TRABD2B: variants seen among roughly 807,000 people sequenced by gnomAD.
The protein encoded by TRABD2B is metalloprotease TIKI2.
TRABD2B carries 14 observed loss-of-function variants against 40.1 expected under a neutral mutation model. The observed-to-expected ratio is 0.35, with a 90% CI of 0.23 to 0.55. TRABD2B has a LOEUF of 0.55. Ranked by LOEUF, TRABD2B falls within the 20% of genes least tolerant of loss-of-function variation. TRABD2B has a pLI of 0.90. For synonymous variants in TRABD2B, 263 were observed against 277.0 expected (o/e 0.95, Z 0.50); for missense variants, 541 against 648.6 (o/e 0.83, Z 1.80).
At chr1:47,902,711 C>T (rs1332869583) in intron 2 of TRABD2B, among the ~76,000 whole-genome samples, 2 of 152,164 alleles carry the variant, frequency 1.3e-5, no homozygotes, top group African/African-American at 4.8e-5. Context: ...TGGTCTTGAA[C>T]TCCTGGCCTC....
intron 2 of TRABD2B, among the ~76,000 whole-genome samples, chr1:47,986,061 T>C (rs1428570347): frequency 6.6e-6 from 1 of 152,144 alleles, no homozygotes; most frequent in Non-Finnish European, 1.5e-5. Flanking sequence ...ATAAAAAGCA[T>C]TTTAACATGA....
chr1:47,832,507 T>C (rs1270162148), intron 2 of TRABD2B, among the ~76,000 whole-genome samples: 4 of 152,188 alleles, frequency 2.6e-5, no homozygotes, highest in African/African-American at 9.6e-5. Context: ...AGCAAATATT[T>C]GTTAGTGGAT....
chr1:47,861,372 C>T (rs886096297), intron 2 of TRABD2B, among the ~76,000 whole-genome samples: 3 of 152,020 alleles, frequency 2.0e-5, no homozygotes, highest in Non-Finnish European at 4.4e-5. Context: ...CAGCACCCCC[C>T]ACCCTGCAAC....
intron 2 of TRABD2B, among the ~76,000 whole-genome samples, chr1:47,835,915 T>A (rs1645312259): frequency 6.6e-6 from 1 of 152,190 alleles, no homozygotes; most frequent in Admixed American, 6.5e-5. Flanking sequence ...GGTTCTTAGT[T>A]CATTTCTTCA....
At chr1:47,871,709 T>C (rs935771915) in intron 2 of TRABD2B, among the ~76,000 whole-genome samples, 1 of 152,214 alleles carries the variant, frequency 6.6e-6, no homozygotes, top group African/African-American at 2.4e-5. Flanking sequence ...TGGTTCCCAG[T>C]GAGCTGGTTA....
intron 3 of TRABD2B, among the ~76,000 whole-genome samples, chr1:47,795,846 C>A (rs575822449): frequency 6.6e-5 from 10 of 152,180 alleles, no homozygotes; most frequent in South Asian, 4.1e-4. Flanking sequence ...TGGCTTCCCC[C>A]AAGTTGGCTT....
In TRABD2B at chr1:47,801,514, C is replaced by T. The variant is rs1644822932; in HGVS notation, c.772G>A (p.Gly258Arg). ...TEDLIKHYNCGDLSAVIFNHD... is the reference protein window; with the variant it reads ...TEDLIKHYNCRDLSAVIFNHD... Reference sequence around the variant, plus strand: ...TTGAAGATGACTGCGCTGAGGTCTCCGCAGTTGTAGTGCTTGATGAGGTCC... The same window carrying T: ...TTGAAGATGACTGCGCTGAGGTCTCTGCAGTTGTAGTGCTTGATGAGGTCC... The change falls in exon 3 of 7, where the codon GGA (glycine) becomes AGA (arginine). Residue 258 changes from glycine to arginine, a missense_variant. This residue lies in a region of TRABD2B where 369 missense variants were observed against 492.8 expected (regional missense o/e 0.75). Coordinates refer to ENST00000606738, the MANE Select transcript of TRABD2B (RefSeq NM_001194986.2). The T allele has an allele frequency of 1.3e-6, 2 of 1,536,104 alleles. No individual in the cohort carries two copies. Among genetic ancestry groups the T allele is most frequent in the Non-Finnish European group, 1.7e-6 (2 of 1,146,890 alleles).
rs529735857 is a variant in TRABD2B at position 47,930,932 on chromosome 1, T to C, written c.666+63102A>G. 2.6e-5 allele frequency among the ~76,000 whole-genome samples: 4 copies of C among 152,272 alleles called. No homozygotes were observed. The South Asian group carries it at 8.3e-4, about 32-fold the overall frequency. ...GCTCCCAAAGACCACCCCTTCCTGA[T>C]GGGAGCAATGTAAAAACCGTGGCCA... On this transcript the variant is annotated intron_variant, in intron 2 of 6. Transcript: ENST00000606738.
chr1:47,932,521 G>A (rs1044938812), intron 2 of TRABD2B, among the ~76,000 whole-genome samples: 5 of 152,178 alleles, frequency 3.3e-5, no homozygotes, highest in Non-Finnish European at 4.4e-5. Context: ...TTCTAGATGG[G>A]AGATCCTATA....
rs1398811505 is a variant in TRABD2B, at chr1:47,761,983, C to T, written c.*3919G>A. 1.3e-5 allele frequency: 2 copies of T among 152,080 alleles called. No homozygotes were observed. The highest frequency in any genetic ancestry group is 1.3e-4 in the Admixed American group (2 of 15,252). The allele number at this position is 152,080 out of a possible 1,614,324, so 9.4% of individuals were successfully genotyped here. On this transcript the variant is annotated 3_prime_UTR_variant, in exon 7 of 7. Transcript: ENST00000606738. ...ACATGACCCCTGCCATTAAGCTGCTCACAGTCCGAGAGGAGCAGATACACA... is the reference window on the plus strand; with the variant it reads ...ACATGACCCCTGCCATTAAGCTGCTTACAGTCCGAGAGGAGCAGATACACA...
chr1:47,811,957 T>C (rs1472160695), intron 2 of TRABD2B, among the ~76,000 whole-genome samples: 2 of 152,208 alleles, frequency 1.3e-5, no homozygotes, highest in Non-Finnish European at 2.9e-5. Flanking sequence ...ATGTGGAGGC[T>C]CATTTATTTT....
chr1:47,966,542 T>C (rs1645605303), intron 2 of TRABD2B, among the ~76,000 whole-genome samples: 1 of 152,150 alleles, frequency 6.6e-6, no homozygotes, highest in Non-Finnish European at 1.5e-5. Context: ...CTGAGCCACA[T>C]GTATACAGTA....
chr1:47,889,831 G>A lies in TRABD2B; in HGVS notation c.667-88212C>T, dbSNP rs1418656512. On this transcript the variant is annotated intron_variant, in intron 2 of 6. Transcript: ENST00000606738. ...AACCTTTACCCTCTCTGAGTCTCTC[G>A]TTCTCCATGTTATAAACGAGGAAGA... is the stretch of plus-strand genomic sequence containing the variant. Among the ~76,000 whole-genome samples the A allele has an allele frequency of 5.3e-5, 8 of 152,302 alleles. No individual in the cohort carries two copies. In the South Asian group the frequency reaches 1.0e-3, roughly 20 times the overall value.
intron 2 of TRABD2B, among the ~76,000 whole-genome samples, chr1:47,861,785 C>A (rs1643976406): frequency 6.6e-6 from 1 of 152,170 alleles, no homozygotes; most frequent in African/African-American, 2.4e-5. Flanking sequence ...CTCAGCCAAC[C>A]TCAAACCAGA....
chr1:47,899,976 G>A (rs897607000), intron 2 of TRABD2B, among the ~76,000 whole-genome samples: 2 of 152,188 alleles, frequency 1.3e-5, no homozygotes, highest in Admixed American at 6.5e-5. Context: ...GGTATGCAAA[G>A]GCCCAGCCAG....
chr1:47,837,360 CA>C (rs1645333136), intron 2 of TRABD2B, among the ~76,000 whole-genome samples: 1 of 152,138 alleles, frequency 6.6e-6, no homozygotes, highest in South Asian at 2.1e-4. Flanking sequence ...ATTTGGGATC[CA>C]AGGGTGACCA....
At position 47,958,148 on chromosome 1, in the gene TRABD2B, C is replaced by T. The variant is rs2148398679; in HGVS notation, c.666+35886G>A. Among the ~76,000 whole-genome samples the T allele has an allele frequency of 3.3e-5, 5 of 150,130 alleles. No homozygotes were observed. The Admixed American group carries it at 3.3e-4, about 10-fold the overall frequency. Reference sequence around the variant, plus strand: ...AAGGAGAAATAAAATACTTTACAGACAAGCAAATGCTGAGAGATTTTGTCA... The same window carrying T: ...AAGGAGAAATAAAATACTTTACAGATAAGCAAATGCTGAGAGATTTTGTCA... On this transcript the variant is annotated intron_variant, in intron 2 of 6. Coordinates refer to ENST00000606738, the MANE Select transcript of TRABD2B (RefSeq NM_001194986.2).
intron 2 of TRABD2B, among the ~76,000 whole-genome samples, chr1:47,963,274 C>T (rs190025041): frequency 1.6e-4 from 25 of 152,266 alleles, no homozygotes; most frequent in African/African-American, 3.6e-4. Flanking sequence ...TTGAATACAG[C>T]GACAGATGGC....
At chr1:47,800,699 C>T (rs1181247425) in intron 3 of TRABD2B, among the ~76,000 whole-genome samples, 1 of 152,146 alleles carries the variant, frequency 6.6e-6, no homozygotes, top group African/African-American at 2.4e-5. Context: ...CCTAGAGGTG[C>T]CTGGGAGAAT....
Sources: gnomAD v4.1 joint callset for allele counts (sites outside exome capture counted in the v4.1 genomes callset) on GRCh38, gnomAD v4.1.1 for gene constraint, gnomAD v4.1.1 regional missense constraint, MANE v1.5 for transcripts, NCBI Gene and HGNC (gene_info 2026-07-23, HGNC 2026-07-21) for gene names.